The following XAF1 variants were observed in gnomAD, a reference collection of about 807,000 sequenced individuals.
XAF1 encodes the protein XIAP-associated factor 1.
In XAF1, 32 loss-of-function variants were observed where a neutral mutation model predicts 32.3. The observed-to-expected ratio is 0.99, with a 90% confidence interval of 0.75 to 1.33. XAF1 has a LOEUF of 1.33. XAF1 is among the 40% of genes most tolerant of loss of function. XAF1 has a pLI of 0.00. For synonymous variants in XAF1, 120 were observed against 125.9 expected, an observed-to-expected ratio of 0.95 and a Z score of 0.31; for missense variants, 379 against 366.0, an observed-to-expected ratio of 1.04 and a Z score of -0.29.
intron 5 of XAF1, among the ~76,000 whole-genome samples, chr17:6,766,984 T>C (rs896944143): frequency 6.6e-6 from 1 of 152,204 alleles, no homozygotes; most frequent in African/African-American, 2.4e-5. Flanking sequence ...TATCCCCAAA[T>C]AGTTTCTTGA....
intron 2 of XAF1, chr17:6,759,414 T>C: frequency 7.2e-7 from 1 of 1,382,278 alleles, no homozygotes; most frequent in South Asian, 1.8e-5. Flanking sequence ...CTGGGGCCCC[T>C]GATCTGTCTC....
intron 5 of XAF1, among the ~76,000 whole-genome samples, chr17:6,762,807 G>A (rs1975321081): frequency 6.6e-6 from 1 of 152,168 alleles, no homozygotes; most frequent in Non-Finnish European, 1.5e-5. Flanking sequence ...ACAGAATGGA[G>A]CATTTCCCCT....
Position 6,758,175 on chromosome 17 carries a change from C to T in XAF1, c.119C>T (p.Pro40Leu). The T allele has an allele frequency of 6.2e-7, 1 of 1,614,242 alleles. No individual in the cohort carries two copies. Residue 40 changes from proline to leucine, a missense_variant, in exon 2 of 7, where the codon CCT (proline) becomes CTT (leucine). By Grantham distance (98) the Pro-to-Leu change is moderately conservative. Coordinates refer to ENST00000361842, the MANE Select transcript of XAF1 (RefSeq NM_017523.5). ...FLVLCPECEE[P>L]VPKETMEEHC... ...GTCCTGTGTCCGGAGTGTGAGGAGC[C>T]TGTCCCCAAGGAAACCATGGAGGAG...
chr17:6,757,292 C>G (rs945833558), intron 1 of XAF1: 26 of 152,498 alleles, frequency 1.7e-4, no homozygotes, highest in African/African-American at 6.3e-4. Context: ...CATGAGCCAC[C>G]ACACCCAGCC....
In XAF1 at chr17:6,760,774, G is replaced by C. The variant is rs112608170; in HGVS notation, c.421+173G>C. ...AACCATGCCTCAGAGTGGCCTTCCT[G>C]TGTGTCTGCTGTGGCCTTCAAATGA... On this transcript the variant is annotated intron_variant, in intron 4 of 6. Transcript: ENST00000361842. 5.3e-3 allele frequency among the ~76,000 whole-genome samples: 805 copies of C among 152,336 alleles called. 12 individuals are homozygous for C. The highest frequency in any genetic ancestry group is 0.018 in the African/African-American group (763 of 41,574).
At chr17:6,766,765 A>G (rs1184318638) in intron 5 of XAF1, among the ~76,000 whole-genome samples, 3 of 152,286 alleles carry the variant, frequency 2.0e-5, no homozygotes, top group Non-Finnish European at 4.4e-5. Flanking sequence ...CATCCCTAAA[A>G]TTCTCTACCA....
chr17:6,772,329 A>G (rs1040666268), intron 6 of XAF1, among the ~76,000 whole-genome samples: 4 of 152,198 alleles, frequency 2.6e-5, no homozygotes, highest in African/African-American at 7.2e-5. Flanking sequence ...TTGTTTTGCT[A>G]AAATTAAAAT....
chr17:6,756,790 C>T (rs1010148423), intron 1 of XAF1, among the ~76,000 whole-genome samples: 1 of 152,114 alleles, frequency 6.6e-6, no homozygotes, highest in African/African-American at 2.4e-5. Flanking sequence ...ATGATGCTGC[C>T]TGTGTGCCCG....
intron 5 of XAF1, among the ~76,000 whole-genome samples, chr17:6,769,865 C>T (rs1975887487): frequency 6.6e-6 from 1 of 152,230 alleles, no homozygotes; most frequent in Admixed American, 6.5e-5. Context: ...GTTTTCATCT[C>T]CACACTCAAA....
In XAF1 at chr17:6,762,470, G is replaced by A. The variant is rs114568178; in HGVS notation, c.507+230G>A. On this transcript the variant is annotated intron_variant, in intron 5 of 6. Coordinates refer to ENST00000361842, the MANE Select transcript of XAF1 (RefSeq NM_017523.5). ...CCAGCCCTTCAAAGGGGCTTCCCTTGCCACTCCCAACACCCCCGATCACCT... is the reference window on the plus strand; with the variant it reads ...CCAGCCCTTCAAAGGGGCTTCCCTTACCACTCCCAACACCCCCGATCACCT... 6.6e-3 allele frequency among the ~76,000 whole-genome samples: 1,004 copies of A among 152,246 alleles called. 12 individuals are homozygous for A. Among genetic ancestry groups the A allele is most frequent in the African/African-American group, 0.023 (952 of 41,530 alleles).
At chr17:6,756,320 C>T in intron 1 of XAF1, 2 of 1,374,700 alleles carry the variant, frequency 1.5e-6, no homozygotes, top group Non-Finnish European at 1.9e-6. Flanking sequence ...CACTTCACTG[C>T]AGCCCCTTTC....
At chr17:6,773,059 A>T in intron 6 of XAF1, 54 bp from the exon 7 acceptor site, 1 of 1,449,310 alleles carries the variant, frequency 6.9e-7, no homozygotes, top group South Asian at 1.2e-5. Flanking sequence ...ATATTCTAGG[A>T]GCTAGCACTT....
At position 6,763,990 on chromosome 17, in the gene XAF1, C is replaced by T. The variant is rs74548028; in HGVS notation, c.507+1750C>T. 3.0e-4 allele frequency among the ~76,000 whole-genome samples: 46 copies of T among 152,316 alleles called. 1 individual carries two copies. The East Asian group carries it at 7.5e-3, about 25-fold the overall frequency. Reference sequence around the variant, plus strand: ...ACCAAAACAAGAGTAAAGCTGACTACTTCCCTTCAAATGTCCAGCCTGGCA... The same window carrying T: ...ACCAAAACAAGAGTAAAGCTGACTATTTCCCTTCAAATGTCCAGCCTGGCA... On this transcript the variant is annotated intron_variant, in intron 5 of 6. Coordinates refer to ENST00000361842, the MANE Select transcript of XAF1 (RefSeq NM_017523.5).
Position 6,770,861 on chromosome 17 carries a change from T to A in XAF1, c.726T>A (p.Leu242=), listed in dbSNP as rs1449575306. The A allele has an allele frequency of 6.2e-7, 1 of 1,614,086 alleles. No homozygotes were observed. Among genetic ancestry groups the A allele is most frequent in the Admixed American group, 1.7e-5 (1 of 60,012 alleles). The part of the protein sequence containing the change: ...PRSKNKTLDP[L]LMSEPKPRTS... ...GCAAAAACAAAACCTTGGATCCACT[T>A]TTGATGTCAGAGCCCAAGCCCAGGA... Residue 242 remains leucine (L), a synonymous_variant, in exon 6 of 7, where the codon CTT becomes CTA. Transcript: ENST00000361842.
rs2151566127 is a variant in XAF1, at chr17:6,773,258, G to A, written c.*89G>A. On this transcript the variant is annotated 3_prime_UTR_variant, in exon 7 of 7. Transcript: ENST00000361842. ...TACTTGCTGTGGTGGTCTTGTGAAA[G>A]GTGATGGGTTTTATTCGTTGGGCTT... 1.6e-6 allele frequency: 2 copies of A among 1,247,996 alleles called. No individual in the cohort carries two copies. The highest frequency in any genetic ancestry group is 2.2e-6 in the Non-Finnish European group (2 of 902,958). 77.3% of individuals were successfully genotyped at this position (1,247,996 alleles called of 1,614,324 possible).
intron 1 of XAF1, among the ~76,000 whole-genome samples, chr17:6,756,656 A>G (rs951655694): frequency 1.3e-5 from 2 of 151,756 alleles, no homozygotes; most frequent in Non-Finnish European, 2.9e-5. Flanking sequence ...ACCTGAGTGG[A>G]CCCTCCCCAG....
chr17:6,759,102 G>T (rs1974968425), intron 2 of XAF1: 1 of 1,008,186 alleles, frequency 9.9e-7, no homozygotes, highest in South Asian at 3.6e-5. Flanking sequence ...TTAAGGCAAG[G>T]GTCCAGTCCC....
At chr17:6,768,825 G>C (rs921910303) in intron 5 of XAF1, among the ~76,000 whole-genome samples, 2 of 152,006 alleles carry the variant, frequency 1.3e-5, no homozygotes, top group African/African-American at 4.8e-5. Context: ...TATTCATTCT[G>C]TTCAGAACAA....
At chr17:6,763,470 G>C (rs544080237) in intron 5 of XAF1, among the ~76,000 whole-genome samples, 110 of 152,234 alleles carry the variant, frequency 7.2e-4, no homozygotes, top group Non-Finnish European at 1.1e-3. Context: ...TGGGGCTACA[G>C]GTGCCTGCCA....
Sources: allele counts gnomAD v4.1 joint callset (sites outside exome capture counted in the v4.1 genomes callset), GRCh38; gene constraint gnomAD v4.1.1; transcripts MANE v1.5; gene names NCBI Gene and HGNC (gene_info 2026-07-23, HGNC 2026-07-21).